Variants in VRK2 observed in about 807,000 individuals in gnomAD.
VRK2 encodes the protein VRK serine/threonine kinase 2, also known as serine/threonine-protein kinase VRK2.
In VRK2, 60 loss-of-function variants were observed where a neutral mutation model predicts 57.6. That is an observed-to-expected ratio of 1.04 (90% CI 0.85 to 1.29). VRK2 has a LOEUF of 1.29. VRK2 is among the 50% of genes most tolerant of loss of function. The pLI is 0.00. For missense variants in VRK2, 705 were observed against 588.1 expected (o/e 1.20, Z -2.06); for synonymous variants, 231 against 199.2 (o/e 1.16, Z -1.35).
chr2:58,000,076 T>C (rs1283633757), intron 1 of VRK2, among the ~76,000 whole-genome samples: 1 of 152,160 alleles, frequency 6.6e-6, no homozygotes, highest in Non-Finnish European at 1.5e-5. Context: ...GCAAATTTAA[T>C]GCACTAGCTT....
intron 2 of VRK2, among the ~76,000 whole-genome samples, chr2:58,058,751 A>G (rs1488129127): frequency 6.6e-6 from 1 of 152,002 alleles, no homozygotes; most frequent in Non-Finnish European, 1.5e-5. Context: ...TGTTAAGTGC[A>G]TTGCATGAAT....
intron 7 of VRK2, among the ~76,000 whole-genome samples, chr2:58,116,633 A>G (rs1676541511): frequency 6.6e-6 from 1 of 152,180 alleles, no homozygotes; most frequent in South Asian, 2.1e-4. Flanking sequence ...CCTAAAGCTC[A>G]GCATCCGTGA....
intron 1 of VRK2, among the ~76,000 whole-genome samples, chr2:57,985,943 T>C (rs1481040581): frequency 1.3e-5 from 2 of 152,170 alleles, no homozygotes; most frequent in African/African-American, 4.8e-5. Context: ...TTTACATTAA[T>C]TAGACATAAA....
rs994971786 is a variant in VRK2, at chr2:58,143,297, A to G, written c.1024-3019A>G. ...ATTAAATAAAAACTACCTCATTTTC[A>G]TACCTACTTTCTTGAAAATATCACA... On this transcript the variant is annotated intron_variant, in intron 11 of 12. Transcript: ENST00000340157. Among the ~76,000 whole-genome samples, 7 of 151,962 alleles carry G rather than the reference A, an allele frequency of 4.6e-5. No homozygotes were observed. The East Asian group carries it at 9.6e-4, about 21-fold the overall frequency.
intron 12 of VRK2, among the ~76,000 whole-genome samples, chr2:58,158,182 T>C (rs555168654): frequency 3.9e-4 from 60 of 152,336 alleles, no homozygotes; most frequent in African/African-American, 1.3e-3. Context: ...TATGATTTGA[T>C]AGCATAATTA....
intron 1 of VRK2, among the ~76,000 whole-genome samples, chr2:58,015,413 T>C (rs1002628130): frequency 6.6e-6 from 1 of 152,188 alleles, no homozygotes; most frequent in African/African-American, 2.4e-5. Context: ...CATGGACAAA[T>C]TATGCAGACT....
chr2:58,143,647 TAAA>T (rs1681670708), intron 11 of VRK2, among the ~76,000 whole-genome samples: 1 of 151,826 alleles, frequency 6.6e-6, no homozygotes, highest in Non-Finnish European at 1.5e-5. Flanking sequence ...CTCTTAAACC[TAAA>T]ATGCCTAGCA....
chr2:58,085,785 A>AAC lies in VRK2; in HGVS notation c.257-552_257-551dup, dbSNP rs1307131953. On this transcript the variant is annotated intron_variant, in intron 4 of 12. Transcript: ENST00000340157. ...CAGTAGAGCTGTCTTAAACATAAAA[A>AAC]ACATAGGCTAGAGTCATGAAAAAAA... Among the ~76,000 whole-genome samples the AAC allele has an allele frequency of 2.6e-5, 4 of 152,088 alleles. No homozygotes were observed. The East Asian group carries it at 5.8e-4, about 22-fold the overall frequency.
Position 58,046,814 on chromosome 2 carries a change from A to T in VRK2, c.-60A>T. ...AGGCCCGGGGGCTCCGCCTCGTCGC[A>T]GCGGCAGGTAGGAGGCGGTGCGCGC... On this transcript the variant is annotated 5_prime_UTR_variant, in exon 1 of 13. Coordinates refer to ENST00000340157, the MANE Select transcript of VRK2 (RefSeq NM_006296.7). The T allele has an allele frequency of 1.0e-6, 1 of 985,570 alleles. No homozygotes were observed. Among genetic ancestry groups the T allele is most frequent in the Non-Finnish European group, 1.2e-6 (1 of 830,092 alleles). 61.1% of individuals were successfully genotyped at this position (985,570 alleles called of 1,614,324 possible).
chr2:58,076,025 G>C (rs551524860), intron 2 of VRK2, among the ~76,000 whole-genome samples: 4 of 151,452 alleles, frequency 2.6e-5, no homozygotes, highest in Admixed American at 2.6e-4. Context: ...AAGAAGACAG[G>C]AGTAAGGACC....
intron 1 of VRK2, among the ~76,000 whole-genome samples, chr2:57,954,309 A>G (rs780607970): frequency 2.6e-5 from 4 of 152,078 alleles, no homozygotes; most frequent in Non-Finnish European, 5.9e-5. Flanking sequence ...ATTCAAACTG[A>G]GTTCTATACA....
chr2:58,119,150 C>G (rs1156558064), intron 7 of VRK2, among the ~76,000 whole-genome samples: 1 of 152,100 alleles, frequency 6.6e-6, no homozygotes, highest in East Asian at 1.9e-4. Context: ...AGCAGAAGTA[C>G]AGAGAGAGAT....
At chr2:58,059,724 A>G (rs987747843) in intron 2 of VRK2, among the ~76,000 whole-genome samples, 2 of 151,796 alleles carry the variant, frequency 1.3e-5, no homozygotes, top group African/African-American at 2.4e-5. Context: ...TTCATGAAAA[A>G]GTTAGAACAT....
chr2:57,960,926 C>G (rs1015402230), intron 1 of VRK2, among the ~76,000 whole-genome samples: 1 of 152,210 alleles, frequency 6.6e-6, no homozygotes, highest in African/African-American at 2.4e-5. Flanking sequence ...GTAACCATTT[C>G]TGTTACCAGC....
At chr2:58,084,351 T>G (rs918919151) in intron 3 of VRK2, among the ~76,000 whole-genome samples, 17 of 151,972 alleles carry the variant, frequency 1.1e-4, no homozygotes, top group Non-Finnish European at 2.4e-4. Flanking sequence ...ATCTAGCTAT[T>G]CTTTCTCTTT....
In VRK2 at chr2:57,940,786, A is replaced by G. The variant is rs557663503; in HGVS notation, c.-439+32947A>G. On this transcript the variant is annotated intron_variant, in intron 1 of 15. Coordinates refer to the VRK2 transcript ENST00000417641. ...CTCACAGTTTCACATGAGGCAATGA[A>G]ACAAATAATGCTAACTAAACTATTA... is the stretch of plus-strand genomic sequence containing the variant. 7.2e-5 allele frequency among the ~76,000 whole-genome samples: 11 copies of G among 152,334 alleles called. No individual in the cohort carries two copies. In the South Asian group the frequency reaches 2.3e-3, roughly 32 times the overall value.
chr2:58,159,488 T>C lies in VRK2; in HGVS notation c.1322T>C (p.Ile441Thr), dbSNP rs951141798. The stretch of plus-strand genomic sequence containing the variant: ...CATCAAGATTTTACCAGTCCAGATA[T>C]ATTCAAGAAGTCAAGATCTCCATCT... ...EPHQDFTSPD[I>T]FKKSRSPSWY... The change falls in exon 13 of 13, where the codon ATA becomes ACA. Residue 441 changes from isoleucine (I) to threonine (T), a missense_variant. Transcript: ENST00000340157. 3 of 1,613,702 alleles carry C rather than the reference T, an allele frequency of 1.9e-6. No individual in the cohort carries two copies. The highest frequency in any genetic ancestry group is 2.2e-5 in the East Asian group (1 of 44,854).
intron 1 of VRK2, among the ~76,000 whole-genome samples, chr2:58,014,296 T>C (rs549208166): frequency 6.6e-6 from 1 of 152,364 alleles, no homozygotes; most frequent in South Asian, 2.1e-4. Flanking sequence ...ATCAATACTG[T>C]ATGGTCAAAG....
At chr2:57,969,723 G>A (rs763350879) in intron 1 of VRK2, among the ~76,000 whole-genome samples, 54 of 151,946 alleles carry the variant, frequency 3.6e-4, no homozygotes, top group Middle Eastern at 3.2e-3. Context: ...TGAGGAAATC[G>A]CAGAAACAAA....
Sources: allele counts gnomAD v4.1 joint callset (sites outside exome capture counted in the v4.1 genomes callset), GRCh38; gene constraint gnomAD v4.1.1; transcripts MANE v1.5; gene names NCBI Gene and HGNC (gene_info 2026-07-23, HGNC 2026-07-21).